TESC: variants seen among roughly 807,000 people sequenced by gnomAD.
TESC encodes tescalcin.
Under a neutral mutation model 31.0 loss-of-function variants are expected in TESC, and 19 were observed. That is an observed-to-expected ratio of 0.61 (90% CI 0.43 to 0.90). TESC has a LOEUF of 0.90. Among genes scored for constraint, TESC ranks in the 40% least tolerant of loss-of-function variants. The probability of loss-of-function intolerance (pLI) is 0.00; values close to 1 mark genes in which losing one functional copy is unlikely to be tolerated. For missense variants in TESC, 248 were observed against 303.8 expected (o/e 0.82, Z 1.36); for synonymous variants, 109 against 114.8 (o/e 0.95, Z 0.32).
At chr12:117,071,066 G>A (rs774043652) in intron 2 of TESC, among the ~76,000 whole-genome samples, 4 of 152,192 alleles carry the variant, frequency 2.6e-5, no homozygotes, top group African/African-American at 9.7e-5. Context: ...CTGTTTCTAC[G>A]TGCCAAGACC....
chr12:117,056,978 G>C, intron 2 of TESC, 92 bp from the exon 3 acceptor site: 1 of 1,327,644 alleles, frequency 7.5e-7, no homozygotes, highest in Non-Finnish European at 1.1e-6. Flanking sequence ...GCTGTATTTT[G>C]GATCCCTAAC....
chr12:117,075,849 A>ATATATATATATATATGTGTG, intron 1 of TESC, among the ~76,000 whole-genome samples: 1 of 24,024 alleles, frequency 4.2e-5, no homozygotes, highest in South Asian at 2.1e-3. Flanking sequence ...GTGTGTGTGT[A>ATATATATATATATATGTGTG]TATATATATA....
Position 117,039,147 on chromosome 12 carries a change from C to A in TESC, c.631G>T (p.Ala211Ser). 1 of 1,613,986 alleles carries A rather than the reference C, an allele frequency of 6.2e-7. No homozygotes were observed. The highest frequency in any genetic ancestry group is 8.5e-7 in the Non-Finnish European group (1 of 1,179,970). ...GTGGCGGTGGGTCAGTGGCAGAGGG[C>A]CATGGTTTCCATGTTAAGGAAGCGG... is the stretch of plus-strand genomic sequence containing the variant. ...HVRFLNMETM[A>S]LCH Residue 211 changes from alanine to serine, a missense_variant, in exon 8 of 8, where the codon GCC becomes TCC. Coordinates refer to ENST00000335209, the MANE Select transcript of TESC (RefSeq NM_017899.4).
intron 1 of TESC, among the ~76,000 whole-genome samples, chr12:117,077,411 T>C (rs1955088526): frequency 1.3e-5 from 2 of 152,184 alleles, no homozygotes; most frequent in African/African-American, 2.4e-5. Flanking sequence ...GGCCTAGCAA[T>C]TGCACTCCTA....
intron 2 of TESC, among the ~76,000 whole-genome samples, chr12:117,073,115 A>G (rs1387064717): frequency 6.6e-6 from 1 of 151,784 alleles, no homozygotes; most frequent in Non-Finnish European, 1.5e-5. Flanking sequence ...CATGCTACAC[A>G]CTCCTCAGCC....
At chr12:117,046,182 G>C (rs1004423872) in intron 6 of TESC, among the ~76,000 whole-genome samples, 1 of 152,214 alleles carries the variant, frequency 6.6e-6, no homozygotes, top group Non-Finnish European at 1.5e-5. Flanking sequence ...TTGCCTCTGA[G>C]TCATTTGTTA....
chr12:117,075,923 G>GTGTGTGTGTA (rs1280720061), intron 1 of TESC, among the ~76,000 whole-genome samples: 10 of 68,676 alleles, frequency 1.5e-4, no homozygotes, highest in African/African-American at 3.0e-4. Context: ...ATGTGTGTGT[G>GTGTGTGTGTA]TATATATATA....
chr12:117,087,678 A>C (rs1422586857), intron 1 of TESC, among the ~76,000 whole-genome samples: 1 of 152,222 alleles, frequency 6.6e-6, no homozygotes, highest in Non-Finnish European at 1.5e-5. Context: ...AGCAGTAATA[A>C]TAACCACCAT....
intron 1 of TESC, among the ~76,000 whole-genome samples, chr12:117,092,406 G>A (rs1457923620): frequency 6.6e-6 from 1 of 152,244 alleles, no homozygotes; most frequent in Non-Finnish European, 1.5e-5. Flanking sequence ...AGGTGCCTTT[G>A]GTTGATCCCC....
intron 2 of TESC, among the ~76,000 whole-genome samples, chr12:117,063,796 A>C (rs976587712): frequency 6.6e-6 from 1 of 152,156 alleles, no homozygotes; most frequent in Non-Finnish European, 1.5e-5. Flanking sequence ...ACAGTGGGGA[A>C]GCTGAGGCCC....
intron 6 of TESC, among the ~76,000 whole-genome samples, chr12:117,046,133 A>G (rs1954554379): frequency 6.6e-6 from 1 of 152,074 alleles, no homozygotes; most frequent in African/African-American, 2.4e-5. Context: ...TCAGCCCCCA[A>G]TAGGGCTCCC....
intron 1 of TESC, among the ~76,000 whole-genome samples, chr12:117,079,352 A>AGGAG (rs1422863919): frequency 2.6e-5 from 4 of 152,104 alleles, no homozygotes; most frequent in Admixed American, 2.0e-4. Flanking sequence ...ACTTGAGGTC[A>AGGAG]GGAGTTTGAA....
At position 117,062,622 on chromosome 12, in the gene TESC, G is replaced by A. The variant is rs548311974; in HGVS notation, c.129-5736C>T. Among the ~76,000 whole-genome samples, 5 of 151,684 alleles carry A rather than the reference G, an allele frequency of 3.3e-5. 1 individual carries two copies. In the East Asian group the frequency reaches 7.7e-4, roughly 23 times the overall value. On this transcript the variant is annotated intron_variant, in intron 2 of 7. Transcript: ENST00000335209. ...GACCCAGGCAGTGGCATGGTGGTTG[G>A]TGCCTGGCCTTCAGGGACTTTCCCT...
At chr12:117,050,028 C>T (rs2135753589) in intron 3 of TESC, among the ~76,000 whole-genome samples, 1 of 152,138 alleles carries the variant, frequency 6.6e-6, no homozygotes, top group African/African-American at 2.4e-5. Flanking sequence ...GCCTCAAACT[C>T]CTGAGCTCAA....
chr12:117,096,622 T>C (rs1593031669), intron 1 of TESC, among the ~76,000 whole-genome samples: 1 of 152,112 alleles, frequency 6.6e-6, no homozygotes, highest in South Asian at 2.1e-4. Flanking sequence ...TCTAACTACT[T>C]CATGTATATT....
intron 2 of TESC, among the ~76,000 whole-genome samples, chr12:117,071,161 C>T (rs1444246762): frequency 6.6e-6 from 1 of 152,228 alleles, no homozygotes; most frequent in East Asian, 1.9e-4. Context: ...GCCACGCTTC[C>T]TGCGCTGGAA....
intron 7 of TESC, 70 bp downstream of exon 7, chr12:117,041,876 TC>T: frequency 2.0e-6 from 3 of 1,464,796 alleles, no homozygotes; most frequent in Non-Finnish European, 2.8e-6. Context: ...AAGAGCCATG[TC>T]CCCTCCTGAC....
chr12:117,046,731 G>C (rs1453139590), intron 5 of TESC, 46 bp downstream of exon 5: 1 of 1,553,918 alleles, frequency 6.4e-7, no homozygotes, highest in Non-Finnish European at 8.7e-7. Context: ...GGGGCAGAGG[G>C]GGAAGGCACC....
At chr12:117,075,905 ATATATATATGTG>A (rs1955060359) in intron 1 of TESC, among the ~76,000 whole-genome samples, 8 of 76,680 alleles carry the variant, frequency 1.0e-4, no homozygotes, top group African/African-American at 1.9e-4. Context: ...ATATATATAT[ATATATATATGTG>A]TGTGTGTATA....
Sources: gnomAD v4.1 joint callset for allele counts (sites outside exome capture counted in the v4.1 genomes callset) on GRCh38, gnomAD v4.1.1 for gene constraint, MANE v1.5 for transcripts, NCBI Gene and HGNC (gene_info 2026-07-23, HGNC 2026-07-21) for gene names.